Variants in CNNM3 observed in about 807,000 individuals in gnomAD.
CNNM3 encodes metal transporter CNNM3.
CNNM3 carries 47 observed loss-of-function variants against 57.1 expected under a neutral mutation model. The observed-to-expected ratio is 0.82, with a 90% confidence interval of 0.65 to 1.05. The LOEUF (loss-of-function observed/expected upper bound fraction) is 1.05, where lower values mean the gene tolerates loss of function less well. Ranked by LOEUF, CNNM3 falls within the 50% of genes least tolerant of loss-of-function variation. The pLI is 0.00. For synonymous variants in CNNM3, 507 were observed against 478.2 expected, an observed-to-expected ratio of 1.06 and a Z score of -0.79; for missense variants, 957 against 973.7, an observed-to-expected ratio of 0.98 and a Z score of 0.23.
intron 1 of CNNM3, among the ~76,000 whole-genome samples, chr2:96,819,905 G>C (rs2079381638): frequency 6.6e-6 from 1 of 152,234 alleles, no homozygotes; most frequent in East Asian, 1.9e-4. Flanking sequence ...TTGTCTTTCA[G>C]ATGCGATGGA....
chr2:96,825,525 T>C (rs923952137), intron 2 of CNNM3, among the ~76,000 whole-genome samples: 27 of 152,236 alleles, frequency 1.8e-4, no homozygotes, highest in Non-Finnish European at 3.2e-4. Flanking sequence ...CCCAGTCTTC[T>C]GTCTCCCTAG....
chr2:96,833,136 T>C lies in CNNM3; in HGVS notation c.*520T>C. ...CTTGTCCATGTTGTCCTTTCTGGCT[T>C]CCCTGATGGTGTCATGTTTCAGCGC... is the stretch of plus-strand genomic sequence containing the variant. On this transcript the variant is annotated 3_prime_UTR_variant, in exon 8 of 8. Transcript: ENST00000305510. 1.5e-6 allele frequency: 1 copy of C among 659,620 alleles called. No homozygotes were observed. Among genetic ancestry groups the C allele is most frequent in the Non-Finnish European group, 2.3e-6 (1 of 434,322 alleles). 40.9% of individuals were successfully genotyped at this position (659,620 alleles called of 1,614,324 possible). A position where few individuals can be genotyped will look rare whatever the true frequency, so the allele number is the denominator to read the frequency against.
At chr2:96,831,907 A>G (rs2153356834) in intron 7 of CNNM3, 1 of 917,940 alleles carries the variant, frequency 1.1e-6, no homozygotes, top group Non-Finnish European at 1.3e-6. Context: ...GCCCGGAGCC[A>G]AGAGGCACAA....
Position 96,826,922 on chromosome 2 carries a change from G to T in CNNM3, c.1459G>T (p.Glu487Ter). ...EFSLFKVSDD[E>*]YKVTISPQLL... ...CTCCTTGTTCAAGGTGTCTGATGAT[G>T]AATATAAAGTAACAATCTCGCCTCA... is the stretch of plus-strand genomic sequence containing the variant. The change falls in exon 3 of 8, where the codon GAA becomes TAA. Residue 487 changes from glutamate to a stop codon, truncating the protein, a stop_gained. Transcript: ENST00000305510. LOFTEE classifies it high-confidence loss of function. The T allele has an allele frequency of 6.2e-7, 1 of 1,614,232 alleles. No homozygotes were observed.
At chr2:96,836,311 C>T (rs376259862), downstream of CNNM3, among the ~76,000 whole-genome samples, 2 of 148,916 alleles carry the variant, frequency 1.3e-5, no homozygotes, top group Non-Finnish European at 3.0e-5. Flanking sequence ...GGCGTGGTCT[C>T]GGCTCACTGC....
rs1422016268 is a variant in CNNM3, at chr2:96,834,792, C to T, written c.*2176C>T. Among the ~76,000 whole-genome samples, 3 of 152,180 alleles carry T rather than the reference C, an allele frequency of 2.0e-5. No individual in the cohort carries two copies. Among genetic ancestry groups the T allele is most frequent in the Admixed American group, 2.0e-4 (3 of 15,280 alleles). On this transcript the variant is annotated 3_prime_UTR_variant, in exon 8 of 8. Transcript: ENST00000305510. ...GATTTTACCATTTTTCCCAATGTCC[C>T]TTTTCTGCTGCAGCAGCCAATCCAG...
Position 96,817,444 on chromosome 2 carries a change from G to C in CNNM3, c.1167G>C (p.Pro389=), listed in dbSNP as rs1412729894. The change falls in exon 1 of 8, where the codon CCG becomes CCC. Residue 389 remains proline (P), a synonymous_variant. Transcript: ENST00000305510. ...LSTITRFYNH[P]LHFVFNDTKL... is the part of the protein sequence containing the mutation. ...CCATCACTCGTTTCTACAACCATCC[G>C]CTCCACTTCGTCTTCAACGACACCA... The C allele has an allele frequency of 6.2e-7, 1 of 1,614,014 alleles. No individual in the cohort carries two copies. Among genetic ancestry groups the C allele is most frequent in the Non-Finnish European group, 8.5e-7 (1 of 1,179,980 alleles).
In CNNM3 at chr2:96,817,189, C is replaced by T. The variant is rs200171507; in HGVS notation, c.912C>T (p.Leu304=). 6.3e-7 allele frequency: 1 copy of T among 1,579,376 alleles called. No homozygotes were observed. The highest frequency in any genetic ancestry group is 8.6e-7 in the Non-Finnish European group (1 of 1,166,758). The change falls in exon 1 of 8, where the codon CTC becomes CTT. Residue 304 remains leucine (L), a synonymous_variant. Coordinates refer to ENST00000305510, the MANE Select transcript of CNNM3 (RefSeq NM_017623.5). The part of the protein sequence containing the change: ...ARGGGDPYSD[L]SKGVLRCRTV... ...GCGGCGGCGACCCCTACAGCGATCT[C>T]AGCAAGGGCGTGCTGCGCTGCCGGA...
At chr2:96,827,634 G>A (rs2153355376) in intron 3 of CNNM3, 97 bp from the exon 4 acceptor site, 1 of 1,295,490 alleles carries the variant, frequency 7.7e-7, no homozygotes. Context: ...GAGATCCCTG[G>A]TGGGCACAAT....
At chr2:96,828,444 C>T in intron 5 of CNNM3, 123 bp from the exon 6 acceptor site, 2 of 1,247,240 alleles carry the variant, frequency 1.6e-6, no homozygotes, top group Non-Finnish European at 2.3e-6. Flanking sequence ...GCTTCCCATG[C>T]ACATTGCCTC....
At position 96,832,680 on chromosome 2, in the gene CNNM3, A is replaced by T; in HGVS notation, c.*64A>T. 1 of 1,602,886 alleles carries T rather than the reference A, an allele frequency of 6.2e-7. No individual in the cohort carries two copies. The highest frequency in any genetic ancestry group is 8.5e-7 in the Non-Finnish European group (1 of 1,177,976). On this transcript the variant is annotated 3_prime_UTR_variant, in exon 8 of 8. Coordinates refer to ENST00000305510, the MANE Select transcript of CNNM3 (RefSeq NM_017623.5). ...GCACGTGGGGAGCTGGAGTGAGCTG[A>T]GCAGAAGTTTTGTGCCCGCCTGCCC...
chr2:96,824,019 TAC>T (rs1255790039), intron 1 of CNNM3, among the ~76,000 whole-genome samples: 16 of 152,392 alleles, frequency 1.0e-4, no homozygotes, highest in African/African-American at 3.8e-4. Flanking sequence ...TTGGGTTACT[TAC>T]AATATATTAT....
In CNNM3 at chr2:96,832,347, C is replaced by G. The variant is rs906930625; in HGVS notation, c.2060-205C>G. On this transcript the variant is annotated intron_variant, in intron 7 of 7. Transcript: ENST00000305510. ...CCCTCGGGGCCAGAAATCCACAGCC[C>G]CAGCTTCCCCGTCTCCCAGGGAAGG... 10 of 985,376 alleles carry G rather than the reference C, an allele frequency of 1.0e-5. No individual in the cohort carries two copies. In the Admixed American group the frequency reaches 2.5e-4, roughly 24 times the overall value. The allele number at this position is 985,376 out of a possible 1,614,324, so 61.0% of individuals were successfully genotyped here.
At chr2:96,823,364 A>T (rs897180461) in intron 1 of CNNM3, among the ~76,000 whole-genome samples, 1 of 152,166 alleles carries the variant, frequency 6.6e-6, no homozygotes, top group Non-Finnish European at 1.5e-5. Flanking sequence ...TGGTGCTGGA[A>T]TCCAAGACAT....
intron 1 of CNNM3, among the ~76,000 whole-genome samples, chr2:96,818,410 C>G (rs1408698740): frequency 7.4e-6 from 1 of 135,278 alleles, no homozygotes; most frequent in Non-Finnish European, 1.6e-5. Context: ...GCTTTTTAAT[C>G]TCCTGTTTTT....
At chr2:96,822,011 T>TATTATTA (rs1349087712) in intron 1 of CNNM3, among the ~76,000 whole-genome samples, 1 of 139,574 alleles carries the variant, frequency 7.2e-6, no homozygotes, top group African/African-American at 2.8e-5. Flanking sequence ...TATTATTTTT[T>TATTATTA]TTTTTTTTTT....
rs1248125917 is a variant in CNNM3 at position 96,816,815 on chromosome 2, G to GCGGCGCGGCGTTTGGAGC, written c.540_557dup (p.Leu184_Arg189dup). ...GAGCGGCTCGGAGGCGGAGCGTGCGGCGGCGCGGCGTTTGGAGCCCGCGCG... is the reference window on the plus strand; with the variant it reads ...GAGCGGCTCGGAGGCGGAGCGTGCGGCGGCGCGGCGTTTGGAGCCGGCGCGGCGTTTGGAGCCCGCGCG... On this transcript the variant is annotated inframe_insertion, in exon 1 of 8. Transcript: ENST00000305510. 7.8e-6 allele frequency: 8 copies of GCGGCGCGGCGTTTGGAGC among 1,029,646 alleles called. No individual in the cohort carries two copies. The highest frequency in any genetic ancestry group is 5.2e-5 in the African/African-American group (3 of 57,752). The allele number at this position is 1,029,646 out of a possible 1,614,324, so 63.8% of individuals were successfully genotyped here.
Position 96,817,079 on chromosome 2 carries a change from C to G in CNNM3, c.802C>G (p.Pro268Ala). 1 of 1,349,618 alleles carries G rather than the reference C, an allele frequency of 7.4e-7. No homozygotes were observed. Among genetic ancestry groups the G allele is most frequent in the Non-Finnish European group, 9.5e-7 (1 of 1,058,154 alleles). 83.6% of individuals were successfully genotyped at this position (1,349,618 alleles called of 1,614,324 possible). ...LSRLAVLLTLPVALPVGQLLE... is the reference protein window; with the variant it reads ...LSRLAVLLTLAVALPVGQLLE... ...CCGCCTGGCCGTCCTGCTCACTCTG[C>G]CCGTCGCGCTGCCCGTGGGGCAGCT... Residue 268 changes from proline to alanine, a missense_variant, in exon 1 of 8, where the codon CCC (proline) becomes GCC (alanine). By Grantham distance (27) the Pro-to-Ala change is conservative (BLOSUM62 -1). This residue lies in a region of CNNM3 where 466 missense variants were observed against 403.1 expected (regional missense o/e 1.16). Transcript: ENST00000305510.
intron 1 of CNNM3, 30 bp downstream of exon 1, chr2:96,817,532 C>T: frequency 6.3e-7 from 1 of 1,578,924 alleles, no homozygotes; most frequent in Non-Finnish European, 8.6e-7. Flanking sequence ...GCAGGGGACG[C>T]CCGTGCGAGT....
Sources: gnomAD v4.1 joint callset for allele counts (sites outside exome capture counted in the v4.1 genomes callset) on GRCh38, gnomAD v4.1.1 for gene constraint, gnomAD v4.1.1 regional missense constraint, MANE v1.5 for transcripts, NCBI Gene and HGNC (gene_info 2026-07-23, HGNC 2026-07-21) for gene names.